NRCAM: variants seen among roughly 807,000 people sequenced by gnomAD.
The protein encoded by NRCAM is neuronal cell adhesion molecule.
A neutral mutation model predicts 156.5 loss-of-function variants in NRCAM; 83 were observed. The observed-to-expected ratio is 0.53, with a 90% CI of 0.44 to 0.64. The LOEUF is 0.64. Ranked by LOEUF, NRCAM falls within the 30% of genes least tolerant of loss-of-function variation. The probability of loss-of-function intolerance (pLI) is 0.00; values close to 1 mark genes in which losing one functional copy is unlikely to be tolerated. For synonymous variants in NRCAM, 538 were observed against 563.9 expected (o/e 0.95, Z 0.65); for missense variants, 1,417 against 1,597.3 (o/e 0.89, Z 1.92).
intron 32 of NRCAM, among the ~76,000 whole-genome samples, chr7:108,152,114 C>T (rs545700035): frequency 6.6e-6 from 1 of 152,108 alleles, no homozygotes; most frequent in East Asian, 1.9e-4. Flanking sequence ...TAACAATCAA[C>T]ATAATAAAAA....
chr7:108,383,162 G>A (rs1397037773), intron 2 of NRCAM, among the ~76,000 whole-genome samples: 2 of 109,330 alleles, frequency 1.8e-5, no homozygotes, highest in African/African-American at 6.9e-5. Context: ...ACACCCCTTG[G>A]TGTTGCCTAG....
In NRCAM at chr7:108,195,843, T is replaced by G. The variant is rs1354070684; in HGVS notation, c.1381A>C (p.Asn461His). 1 of 1,613,614 alleles carries G rather than the reference T, an allele frequency of 6.2e-7. No individual in the cohort carries two copies. The highest frequency in any genetic ancestry group is 8.5e-7 in the Non-Finnish European group (1 of 1,179,674). Residue 461 changes from asparagine to histidine, a missense_variant, in exon 15 of 33, where the codon AAC becomes CAC. Asn to His is a moderately conservative substitution (Grantham distance 68). Around this residue, in one of 2 missense-constraint regions of NRCAM, gnomAD observed 1,238 missense variants for 1,336.4 expected, o/e 0.93. Coordinates refer to ENST00000379028, the MANE Select transcript of NRCAM (RefSeq NM_001037132.4). ...AEPPRILTPA[N>H]TLYQVIANRP... ...TTTGCAATGACCTGGTAGAGTGTGT[T>G]TGCAGGTGTGAGGATTCGTGGTGGC...
At chr7:108,242,981 C>T (rs781615069) in intron 3 of NRCAM, 3 of 152,088 alleles carry the variant, frequency 2.0e-5, no homozygotes, top group Non-Finnish European at 4.4e-5. Flanking sequence ...TAAACTATTA[C>T]ACATCAAATC....
intron 11 of NRCAM, among the ~76,000 whole-genome samples, chr7:108,221,477 A>G (rs966650035): frequency 6.6e-6 from 1 of 152,124 alleles, no homozygotes; most frequent in Non-Finnish European, 1.5e-5. Context: ...AAGTGGATAA[A>G]GAAACTGTGG....
At chr7:108,181,996 A>C (rs2063746354) in intron 23 of NRCAM, 59 bp from the exon 24 acceptor site, 3 of 1,278,168 alleles carry the variant, frequency 2.3e-6, no homozygotes, top group Non-Finnish European at 3.4e-6. Context: ...TTCATCCATA[A>C]ATATGACTCT....
At chr7:108,162,540 A>C (rs1384135233) in intron 30 of NRCAM, among the ~76,000 whole-genome samples, 1 of 152,230 alleles carries the variant, frequency 6.6e-6, no homozygotes, top group Non-Finnish European at 1.5e-5. Flanking sequence ...GAAAAACAAG[A>C]TACTCAGGTA....
intron 2 of NRCAM, among the ~76,000 whole-genome samples, chr7:108,383,238 A>C (rs888852449): frequency 1.3e-5 from 2 of 152,184 alleles, no homozygotes; most frequent in Admixed American, 6.5e-5. Context: ...TAAGAATCCA[A>C]ACATATTAAA....
At position 108,180,289 on chromosome 7, in the gene NRCAM, G is replaced by A. The variant is rs2153275538; in HGVS notation, c.2785C>T (p.Arg929Ter). 6 of 1,614,114 alleles carry A rather than the reference G, an allele frequency of 3.7e-6. No homozygotes were observed. Among genetic ancestry groups the A allele is most frequent in the South Asian group, 1.1e-5 (1 of 91,078 alleles). Residue 929 changes from arginine (R) to a stop codon, truncating the protein, a stop_gained, in exon 25 of 33, where the codon CGA becomes TGA. Coordinates refer to ENST00000379028, the MANE Select transcript of NRCAM (RefSeq NM_001037132.4). LOFTEE classifies it high-confidence loss of function. ...CCCTCCCCTTTCCCATTGACCACTCGGACATTCAGTGTGTAGTGGCTAAAG... is the reference window on the plus strand; with the variant it reads ...CCCTCCCCTTTCCCATTGACCACTCAGACATTCAGTGTGTAGTGGCTAAAG... ...EPFSHYTLNV[R>*]VVNGKGEGPA...
intron 2 of NRCAM, among the ~76,000 whole-genome samples, chr7:108,322,731 C>T (rs999435162): frequency 6.6e-6 from 1 of 152,010 alleles, no homozygotes; most frequent in African/African-American, 2.4e-5. Flanking sequence ...AAATCAGTCT[C>T]CCATTTTAAG....
At chr7:108,365,113 A>G (rs1031292994) in intron 2 of NRCAM, among the ~76,000 whole-genome samples, 1 of 152,192 alleles carries the variant, frequency 6.6e-6, no homozygotes, top group Non-Finnish European at 1.5e-5. Context: ...AGACTTACAT[A>G]CACTGACCTG....
intron 30 of NRCAM, among the ~76,000 whole-genome samples, chr7:108,164,901 C>T (rs1211908186): frequency 6.6e-6 from 1 of 152,206 alleles, no homozygotes; most frequent in Non-Finnish European, 1.5e-5. Flanking sequence ...CTGGCAGTTG[C>T]TGCTGGAACT....
chr7:108,388,341 G>C (rs2099748077), intron 2 of NRCAM, among the ~76,000 whole-genome samples: 1 of 152,140 alleles, frequency 6.6e-6, no homozygotes, highest in Non-Finnish European at 1.5e-5. Flanking sequence ...GTGTCTGTTG[G>C]CTGCAAAAAT....
chr7:108,168,207 A>G, intron 29 of NRCAM, 70 bp downstream of exon 29: 1 of 1,393,572 alleles, frequency 7.2e-7, no homozygotes, highest in Non-Finnish European at 9.4e-7. Flanking sequence ...GTAAATTCTT[A>G]AGAATGTTTT....
rs111655799 is a variant in NRCAM at position 108,156,848 on chromosome 7, T to G, written c.3677+2615A>C. ...TCTCAGGAAGTGAATGACACTTAAA[T>G]GTATTAAAAATAAAAGATTCTGTTA... On this transcript the variant is annotated intron_variant, in intron 32 of 32. Transcript: ENST00000379028. Among the ~76,000 whole-genome samples, 201 of 152,270 alleles carry G rather than the reference T, an allele frequency of 1.3e-3. 2 individuals are homozygous for G. The highest frequency in any genetic ancestry group is 4.6e-3 in the African/African-American group (191 of 41,572).
rs963109807 is a variant in NRCAM, at chr7:108,262,122, G to C, written c.-106-21952C>G. On this transcript the variant is annotated intron_variant, in intron 3 of 32. Transcript: ENST00000379028. ...GCACAAGTCCCCAAATGCTGAGCCA[G>C]AGACTAAGGCTTGTGCATAAGTAGT... 3.9e-5 allele frequency among the ~76,000 whole-genome samples: 6 copies of C among 152,114 alleles called. No individual in the cohort carries two copies. In the South Asian group the frequency reaches 1.2e-3, roughly 32 times the overall value.
intron 1 of NRCAM, among the ~76,000 whole-genome samples, chr7:108,436,345 G>A: frequency 6.6e-6 from 1 of 152,036 alleles, no homozygotes; most frequent in East Asian, 1.9e-4. Flanking sequence ...ATAAATGAGA[G>A]AATTTTGATA....
chr7:108,358,571 G>C (rs1344648723), intron 2 of NRCAM, among the ~76,000 whole-genome samples: 6 of 152,058 alleles, frequency 3.9e-5, no homozygotes, highest in Non-Finnish European at 5.9e-5. Context: ...TTCACACACA[G>C]ATTCCCATGA....
intron 2 of NRCAM, among the ~76,000 whole-genome samples, chr7:108,362,653 G>A (rs2099565886): frequency 6.6e-6 from 1 of 152,126 alleles, no homozygotes; most frequent in Admixed American, 6.5e-5. Flanking sequence ...CTCACTGCTG[G>A]AATGGGAGTT....
At chr7:108,236,951 C>G (rs1015711589) in intron 5 of NRCAM, among the ~76,000 whole-genome samples, 3 of 152,124 alleles carry the variant, frequency 2.0e-5, no homozygotes, top group African/African-American at 7.2e-5. Flanking sequence ...TGCAGCAGAG[C>G]TGGCTCAGAT....
Sources: allele counts gnomAD v4.1 joint callset (sites outside exome capture counted in the v4.1 genomes callset), GRCh38; gene constraint gnomAD v4.1.1; regional missense constraint gnomAD v4.1.1; transcripts MANE v1.5; gene names NCBI Gene and HGNC (gene_info 2026-07-23, HGNC 2026-07-21).